FLT1: variants seen among roughly 807,000 people sequenced by gnomAD.
FLT1 encodes the protein fms related receptor tyrosine kinase 1, also known as vascular endothelial growth factor receptor 1.
Under a neutral mutation model 156.3 loss-of-function variants are expected in FLT1, and 49 were observed. That is an observed-to-expected ratio of 0.31 (90% CI 0.25 to 0.40). FLT1 has a LOEUF of 0.40. Ranked by LOEUF, FLT1 falls within the 10% of genes least tolerant of loss-of-function variation. The pLI is 1.00. For missense variants in FLT1, 1,322 were observed against 1,637.2 expected, an observed-to-expected ratio of 0.81 and a Z score of 3.32; for synonymous variants, 594 against 583.8, an observed-to-expected ratio of 1.02 and a Z score of -0.25.
intron 16 of FLT1, among the ~76,000 whole-genome samples, chr13:28,342,986 CTTTCTTTT>C (rs1872402279): frequency 1.4e-5 from 2 of 147,712 alleles, no homozygotes; most frequent in Admixed American, 6.8e-5. Context: ...CTTTCTTTTT[CTTTCTTTT>C]TTGAGACAGA....
chr13:28,354,709 G>A (rs1831324405), intron 15 of FLT1, among the ~76,000 whole-genome samples: 1 of 151,966 alleles, frequency 6.6e-6, no homozygotes, highest in Non-Finnish European at 1.5e-5. Flanking sequence ...TTTTATAAAA[G>A]AGAGCAAAGG....
intron 1 of FLT1, among the ~76,000 whole-genome samples, chr13:28,492,674 C>CA (rs1881533643): frequency 6.6e-6 from 1 of 152,208 alleles, no homozygotes; most frequent in African/African-American, 2.4e-5. Flanking sequence ...GAGAACTCTG[C>CA]AGTGGGGAAC....
At chr13:28,417,554 C>T (rs1876725089) in intron 10 of FLT1, among the ~76,000 whole-genome samples, 1 of 152,160 alleles carries the variant, frequency 6.6e-6, no homozygotes, top group South Asian at 2.1e-4. Context: ...TGCATCTAGT[C>T]CCGAGCTTGC....
chr13:28,447,459 T>A (rs1261506275), intron 3 of FLT1, among the ~76,000 whole-genome samples: 2 of 152,000 alleles, frequency 1.3e-5, no homozygotes, highest in Non-Finnish European at 2.9e-5. Flanking sequence ...AGTGCTGGGA[T>A]TGCAGGCATG....
chr13:28,318,656 G>T (rs928430611), intron 24 of FLT1, among the ~76,000 whole-genome samples: 1 of 152,108 alleles, frequency 6.6e-6, no homozygotes, highest in African/African-American at 2.4e-5. Context: ...GAAAGCAGGG[G>T]AATGATTTTC....
chr13:28,414,649 A>G (rs1245641406), intron 10 of FLT1, among the ~76,000 whole-genome samples: 1 of 152,104 alleles, frequency 6.6e-6, no homozygotes, highest in Non-Finnish European at 1.5e-5. Flanking sequence ...ATGGACAGGG[A>G]CTATATTTTG....
chr13:28,429,936 G>T, intron 8 of FLT1, 114 bp downstream of exon 8: 1 of 804,652 alleles, frequency 1.2e-6, no homozygotes, highest in Middle Eastern at 2.4e-4. Context: ...GCTCTCTGGG[G>T]CTGTCTGAGG....
intron 11 of FLT1, among the ~76,000 whole-genome samples, chr13:28,397,420 G>A (rs1032719327): frequency 6.6e-6 from 1 of 152,192 alleles, no homozygotes; most frequent in Non-Finnish European, 1.5e-5. Context: ...AGAGGAACAG[G>A]TGAGGCTGAG....
intron 24 of FLT1, among the ~76,000 whole-genome samples, chr13:28,318,803 C>G (rs1436747925): frequency 6.6e-6 from 1 of 152,216 alleles, no homozygotes; most frequent in Non-Finnish European, 1.5e-5. Flanking sequence ...TGTCTGCAAG[C>G]AGATGTGGGC....
intron 8 of FLT1, among the ~76,000 whole-genome samples, chr13:28,428,627 C>A (rs1285580669): frequency 6.6e-6 from 1 of 152,198 alleles, no homozygotes; most frequent in Non-Finnish European, 1.5e-5. Flanking sequence ...CAGGCTGCTG[C>A]AAATGTGACT....
intron 15 of FLT1, among the ~76,000 whole-genome samples, chr13:28,351,135 T>C (rs1279466749): frequency 3.3e-5 from 5 of 152,188 alleles, no homozygotes; most frequent in Non-Finnish European, 7.3e-5. Flanking sequence ...AAATCAGATT[T>C]GGACCTAAGT....
intron 14 of FLT1, 142 bp downstream of exon 14, chr13:28,384,743 C>A (rs569562355): frequency 1.5e-4 from 117 of 794,368 alleles, no homozygotes; most frequent in South Asian, 1.5e-3. Flanking sequence ...ACATTGCTAT[C>A]AGCATGAACC....
chr13:28,399,604 A>G (rs937845932), intron 11 of FLT1, among the ~76,000 whole-genome samples: 2 of 152,194 alleles, frequency 1.3e-5, no homozygotes, highest in Non-Finnish European at 2.9e-5. Context: ...TCCCCAACAA[A>G]TAGTCAAATA....
chr13:28,453,743 C>A (rs1879111683), intron 3 of FLT1, among the ~76,000 whole-genome samples: 1 of 152,190 alleles, frequency 6.6e-6, no homozygotes, highest in Non-Finnish European at 1.5e-5. Context: ...TTTTTAAAGT[C>A]AAGGAAGTCA....
At chr13:28,489,964 G>A (rs986694423) in intron 1 of FLT1, among the ~76,000 whole-genome samples, 6 of 152,130 alleles carry the variant, frequency 3.9e-5, no homozygotes, top group Non-Finnish European at 8.8e-5. Context: ...ATGTCATTTC[G>A]AAAGAAATTT....
intron 20 of FLT1, among the ~76,000 whole-genome samples, chr13:28,326,192 T>G (rs1013279799): frequency 6.6e-6 from 1 of 152,204 alleles, no homozygotes; most frequent in African/African-American, 2.4e-5. Flanking sequence ...ATTTTTATTC[T>G]CTCAACAATC....
chr13:28,448,390 A>G (rs527519431), intron 3 of FLT1, among the ~76,000 whole-genome samples: 1 of 152,356 alleles, frequency 6.6e-6, no homozygotes, highest in South Asian at 2.1e-4. Context: ...GATAGCTAAA[A>G]TGTGATATGT....
chr13:28,435,591 A>G (rs976263655), intron 4 of FLT1, among the ~76,000 whole-genome samples: 4 of 152,216 alleles, frequency 2.6e-5, no homozygotes, highest in Admixed American at 2.6e-4. Flanking sequence ...ATCGCCTTTT[A>G]AAAAGTACAC....
In FLT1 at chr13:28,300,411, A is replaced by G. The variant is rs1324497647; in HGVS notation, c.*2756T>C. The G allele has an allele frequency of 8.6e-6, 2 of 233,178 alleles. No homozygotes were observed. Among genetic ancestry groups the G allele is most frequent in the Non-Finnish European group, 8.5e-6 (1 of 118,064 alleles). The allele number at this position is 233,178 out of a possible 1,614,324, so 14.4% of individuals were successfully genotyped here. ...ATACATTCATCATGACTAGAAATAT[A>G]GGACCAAACCATGTCTGTCTTATAT... On this transcript the variant is annotated 3_prime_UTR_variant, in exon 30 of 30. Coordinates refer to ENST00000282397, the MANE Select transcript of FLT1 (RefSeq NM_002019.4).
Sources: allele counts gnomAD v4.1 joint callset (sites outside exome capture counted in the v4.1 genomes callset), GRCh38; gene constraint gnomAD v4.1.1; transcripts MANE v1.5; gene names NCBI Gene and HGNC (gene_info 2026-07-23, HGNC 2026-07-21).